ABR: variants seen among roughly 807,000 people sequenced by gnomAD.
ABR encodes the protein ABR activator of RhoGEF and GTPase.
A neutral mutation model predicts 107.2 loss-of-function variants in ABR; 35 were observed. The observed-to-expected ratio is 0.33, with a 90% CI of 0.25 to 0.43. The LOEUF (loss-of-function observed/expected upper bound fraction) is 0.43. Among genes scored for constraint, ABR ranks in the 20% least tolerant of loss-of-function variants. The pLI is 1.00. For synonymous variants in ABR, 498 were observed against 462.0 expected, an observed-to-expected ratio of 1.08 and a Z score of -1.00; for missense variants, 815 against 1,115.2, an observed-to-expected ratio of 0.73 and a Z score of 3.83.
At chr17:1,199,438 T>C (rs767913380) in intron 1 of ABR, among the ~76,000 whole-genome samples, 95 of 151,110 alleles carry the variant, frequency 6.3e-4, no homozygotes, top group Non-Finnish European at 1.1e-3. Flanking sequence ...CTTGCTCTGT[T>C]CCCCAGCTGG....
At chr17:1,167,201 C>T (rs1421147679) in intron 1 of ABR, among the ~76,000 whole-genome samples, 6 of 152,016 alleles carry the variant, frequency 3.9e-5, no homozygotes, top group African/African-American at 1.5e-4. Context: ...TCCAGTATCC[C>T]CTTCTGATGG....
chr17:1,125,287 G>T lies in ABR; in HGVS notation c.142C>A (p.Pro48Thr). ...ATGGTGGGCGACTCATCGATGTACGGCATGGTCTCTGAGCCCTCCGGGGGC... is the reference window on the plus strand; with the variant it reads ...ATGGTGGGCGACTCATCGATGTACGTCATGGTCTCTGAGCCCTCCGGGGGC... ...KGPPEGSETM[P>T]YIDESPTMSP... is the part of the protein sequence containing the mutation. The change falls in exon 2 of 23, where the codon CCG becomes ACG. Residue 48 changes from proline to threonine, a missense_variant. Coordinates refer to ENST00000302538, the MANE Select transcript of ABR (RefSeq NM_021962.5). 6.2e-6 allele frequency: 10 copies of T among 1,613,902 alleles called. No homozygotes were observed. The highest frequency in any genetic ancestry group is 1.3e-5 in the African/African-American group (1 of 75,056).
intron 1 of ABR, among the ~76,000 whole-genome samples, chr17:1,217,705 G>A (rs1305448136): frequency 1.3e-5 from 2 of 152,014 alleles, no homozygotes; most frequent in South Asian, 2.1e-4. Context: ...ATTTTGTTTT[G>A]TTTTTTTGAG....
chr17:1,198,977 C>G (rs1206235083), intron 1 of ABR, among the ~76,000 whole-genome samples: 1 of 145,208 alleles, frequency 6.9e-6, no homozygotes, highest in Non-Finnish European at 1.5e-5. Context: ...TCGTTTGAAC[C>G]TGGGAGGCAG....
intron 3 of ABR, among the ~76,000 whole-genome samples, chr17:1,096,691 C>A (rs2037450678): frequency 6.6e-6 from 1 of 151,412 alleles, no homozygotes; most frequent in Non-Finnish European, 1.5e-5. Flanking sequence ...GGTGGGGAAC[C>A]CGCCCCGGGA....
chr17:1,025,003 C>T (rs1242248119), intron 16 of ABR, among the ~76,000 whole-genome samples: 2 of 149,076 alleles, frequency 1.3e-5, no homozygotes, highest in Non-Finnish European at 3.0e-5. Flanking sequence ...CGCCTGTAGT[C>T]CCAGCTACTC....
intron 5 of ABR, chr17:1,083,182 G>A (rs983903757): frequency 7.5e-5 from 12 of 159,332 alleles, no homozygotes; most frequent in African/African-American, 2.5e-4. Flanking sequence ...TCATTCTACC[G>A]GACAGGACAT....
chr17:1,128,519 A>C (rs1233733379), intron 1 of ABR, among the ~76,000 whole-genome samples: 1 of 152,260 alleles, frequency 6.6e-6, no homozygotes. Context: ...CGTTCTAGAC[A>C]ACAAGATGTT....
rs575108155 is a variant in ABR at position 1,074,008 on chromosome 17, C to T, written c.701-331G>A. On this transcript the variant is annotated intron_variant, in intron 6 of 22. Transcript: ENST00000302538. ...GGCTCAAGGCAGATGCTCTCCTGGA[C>T]CCCCAGCCCTGAATCACACAGCTCC... 2.0e-5 allele frequency among the ~76,000 whole-genome samples: 3 copies of T among 148,502 alleles called. No individual in the cohort carries two copies. In the South Asian group the frequency reaches 6.7e-4, roughly 33 times the overall value.
intron 6 of ABR, among the ~76,000 whole-genome samples, chr17:1,076,258 G>T (rs997290971): frequency 6.6e-6 from 1 of 152,180 alleles, no homozygotes; most frequent in Non-Finnish European, 1.5e-5. Context: ...TTATCTAGCA[G>T]TTTCCAGAGA....
At chr17:1,083,377 G>T (rs1454447998) in intron 5 of ABR, 143 bp downstream of exon 5, 5 of 441,890 alleles carry the variant, frequency 1.1e-5, no homozygotes, top group Non-Finnish European at 2.1e-5. Context: ...AATGTCAGGT[G>T]CAAGAAAGCA....
At chr17:1,105,860 TG>T (rs1242081708) in intron 2 of ABR, among the ~76,000 whole-genome samples, 2 of 145,950 alleles carry the variant, frequency 1.4e-5, no homozygotes, top group East Asian at 4.1e-4. Flanking sequence ...AGTGAGACTC[TG>T]TCTCAAAAGA....
At position 1,007,263 on chromosome 17, in the gene ABR, T is replaced by C; in HGVS notation, c.2392A>G (p.Thr798Ala). 6.2e-7 allele frequency: 1 copy of C among 1,614,126 alleles called. No individual in the cohort carries two copies. The highest frequency in any genetic ancestry group is 1.6e-4 in the Middle Eastern group (1 of 6,062). Residue 798 changes from threonine to alanine, a missense_variant, in exon 22 of 23, where the codon ACC becomes GCC. Thr to Ala is a moderately conservative substitution (Grantham distance 58). Around this residue, in one of 5 missense-constraint regions of ABR, gnomAD observed 175 missense variants for 284.3 expected, o/e 0.62. Coordinates refer to ENST00000302538, the MANE Select transcript of ABR (RefSeq NM_021962.5). ...CTCAGTAACGTGGGTCCAAACACGG[T>C]AGCCAGGTTGTGAAGTGACATTTTG... ...INKMSLHNLATVFGPTLLRPS... is the reference protein window; with the variant it reads ...INKMSLHNLAAVFGPTLLRPS...
At chr17:1,128,057 T>C (rs1344827196) in intron 1 of ABR, among the ~76,000 whole-genome samples, 1 of 152,136 alleles carries the variant, frequency 6.6e-6, no homozygotes, top group African/African-American at 2.4e-5. Flanking sequence ...GGGCTGACCA[T>C]GGAGCTGAAC....
At chr17:1,147,819 G>A (rs1003764217) in intron 1 of ABR, among the ~76,000 whole-genome samples, 6 of 152,012 alleles carry the variant, frequency 3.9e-5, no homozygotes, top group African/African-American at 7.3e-5. Context: ...CCCCACCCAC[G>A]CCAGCCTCAT....
At chr17:1,021,486 A>T (rs72812090) in intron 16 of ABR, among the ~76,000 whole-genome samples, 1 of 151,986 alleles carries the variant, frequency 6.6e-6, no homozygotes, top group East Asian at 1.9e-4. Context: ...TTTCCCTCAG[A>T]GGGGGTTGCA....
chr17:1,178,740 T>C (rs1446363638), intron 1 of ABR, among the ~76,000 whole-genome samples: 1 of 151,202 alleles, frequency 6.6e-6, no homozygotes, highest in Non-Finnish European at 1.5e-5. Flanking sequence ...ATCCACTATG[T>C]AAGCCCAGGA....
intron 1 of ABR, among the ~76,000 whole-genome samples, chr17:1,171,392 T>C (rs1315776002): frequency 6.6e-6 from 1 of 152,154 alleles, no homozygotes; most frequent in East Asian, 1.9e-4. Context: ...CACAGATCCC[T>C]GCTCAATACC....
chr17:1,222,647 C>T (rs534654011), intron 1 of ABR, among the ~76,000 whole-genome samples: 176 of 152,306 alleles, frequency 1.2e-3, no homozygotes, highest in African/African-American at 4.2e-3. Flanking sequence ...TGTGGTGGCT[C>T]ATATCTGTAA....
Sources: gnomAD v4.1 joint callset for allele counts (sites outside exome capture counted in the v4.1 genomes callset) on GRCh38, gnomAD v4.1.1 for gene constraint, gnomAD v4.1.1 regional missense constraint, MANE v1.5 for transcripts, NCBI Gene and HGNC (gene_info 2026-07-23, HGNC 2026-07-21) for gene names.